The following RAB11FIP1 variants were observed in gnomAD, a reference collection of about 807,000 sequenced individuals.
The protein encoded by RAB11FIP1 is RAB11 family interacting protein 1, also known as rab11 family-interacting protein 1.
Under a neutral mutation model 83.1 loss-of-function variants are expected in RAB11FIP1, and 49 were observed. The ratio of observed to expected loss-of-function variants is 0.59; its 90% CI spans 0.47 to 0.75. The LOEUF (loss-of-function observed/expected upper bound fraction) is 0.75, where lower values mean the gene tolerates loss of function less well. Among genes scored for constraint, RAB11FIP1 ranks in the 30% least tolerant of loss-of-function variants. The pLI is 0.00. For missense variants in RAB11FIP1, 1,536 were observed against 1,598.7 expected (o/e 0.96, Z 0.67); for synonymous variants, 670 against 656.0 (o/e 1.02, Z -0.33).
At chr8:37,864,692 C>G (rs983871537) in intron 5 of RAB11FIP1, among the ~76,000 whole-genome samples, 1 of 152,200 alleles carries the variant, frequency 6.6e-6, no homozygotes, top group African/African-American at 2.4e-5. Flanking sequence ...ATAGACAGAG[C>G]GGGTTCAACC....
chr8:37,861,265 A>C lies in RAB11FIP1; in HGVS notation c.*1630T>G, dbSNP rs1158705620. On this transcript the variant is annotated 3_prime_UTR_variant, in exon 6 of 6. Transcript: ENST00000330843. The stretch of plus-strand genomic sequence containing the variant: ...TAAGTATCATCTTCTTGCTCTGCAC[A>C]GTTTTATAACAAGGGGGTAAAATGC... 6.1e-6 allele frequency: 1 copy of C among 163,258 alleles called. No homozygotes were observed. Among genetic ancestry groups the C allele is most frequent in the African/African-American group, 2.4e-5 (1 of 41,502 alleles). The allele number at this position is 163,258 out of a possible 1,614,324, so 10.1% of individuals were successfully genotyped here. A position where few individuals can be genotyped will look rare whatever the true frequency, so the allele number is the denominator to read the frequency against.
chr8:37,893,536 C>A (rs1388753450), intron 1 of RAB11FIP1, among the ~76,000 whole-genome samples: 1 of 152,152 alleles, frequency 6.6e-6, no homozygotes, highest in East Asian at 1.9e-4. Context: ...GTAATCCCAG[C>A]ACTTCAGGAG....
In RAB11FIP1 at chr8:37,899,181, G is replaced by T; in HGVS notation, c.261C>A (p.Thr87=). The stretch of plus-strand genomic sequence containing the variant: ...CGCGGTGCAGCACGGTGAGCTGCAG[G>T]GTGGCGGCGGCCGCGGGTCCGGAGG... ...LLSSGPAAAA[T]LQLTVLHRAL... Residue 87 remains threonine (T), a synonymous_variant, in exon 1 of 6, where the codon ACC becomes ACA. Transcript: ENST00000330843. The surrounding 1 kb of genome is among the most constrained non-coding windows in gnomAD (Gnocchi z 4.5). 1 of 1,561,624 alleles carries T rather than the reference G, an allele frequency of 6.4e-7. No homozygotes were observed. The highest frequency in any genetic ancestry group is 2.3e-5 in the East Asian group (1 of 42,708).
In RAB11FIP1 at chr8:37,865,846, C is replaced by T. The variant is rs534389935; in HGVS notation, c.3634-2733G>A. ...TATATATAACATTTTTATCAAAATG[C>T]ACGAACATAAATCTTTGGCCATATC... is the stretch of plus-strand genomic sequence containing the variant. On this transcript the variant is annotated intron_variant, in intron 5 of 5. Coordinates refer to ENST00000330843, the MANE Select transcript of RAB11FIP1 (RefSeq NM_001002814.3). 2.6e-5 allele frequency among the ~76,000 whole-genome samples: 4 copies of T among 152,150 alleles called. No individual in the cohort carries two copies. In the South Asian group the frequency reaches 6.2e-4, roughly 24 times the overall value.
intron 4 of RAB11FIP1, 144 bp downstream of exon 4, chr8:37,871,134 C>G (rs1352504314): frequency 9.2e-7 from 1 of 1,092,574 alleles, no homozygotes; most frequent in Non-Finnish European, 1.3e-6. Context: ...ATTACCACCA[C>G]AAGGGGCAGC....
chr8:37,874,895 G>A lies in RAB11FIP1; in HGVS notation c.1242C>T (p.Pro414=), dbSNP rs763361734. The part of the protein sequence containing the change: ...VSGDLRENMA[P]ANSEATKEAK... ...CTTCTTTTGTGGCCTCTGAGTTTGC[G>A]GGGGCCATGTTTTCCCTGAGGTCCC... The change falls in exon 3 of 6, where the codon CCC becomes CCT. Residue 414 remains proline (P), a synonymous_variant. Coordinates refer to ENST00000330843, the MANE Select transcript of RAB11FIP1 (RefSeq NM_001002814.3). 1.7e-5 allele frequency: 28 copies of A among 1,613,968 alleles called. No homozygotes were observed. Among genetic ancestry groups the A allele is most frequent in the Middle Eastern group, 1.6e-4 (1 of 6,084 alleles).
chr8:37,870,469 C>T lies in RAB11FIP1; in HGVS notation c.3584G>A (p.Gly1195Glu). ...MATKVANCSL[G>E]TATIISENLN... ...GTTCTCACTGATGATGGTGGCAGTT[C>T]CCAAGCTGCAGTTAGCAACCTTGGT... The change falls in exon 5 of 6, where the codon GGA becomes GAA. Residue 1195 changes from glycine to glutamate, a missense_variant. Coordinates refer to ENST00000330843, the MANE Select transcript of RAB11FIP1 (RefSeq NM_001002814.3). The T allele has an allele frequency of 6.2e-7, 1 of 1,612,080 alleles. No individual in the cohort carries two copies. Among genetic ancestry groups the T allele is most frequent in the South Asian group, 1.1e-5 (1 of 90,970 alleles).
In RAB11FIP1 at chr8:37,863,056, T is replaced by A; in HGVS notation, c.3691A>T (p.Ile1231Phe). ...AYAQLTHDEL[I>F]QLVLKQKETI... Reference sequence around the variant, plus strand: ...TCCTTCTGTTTGAGGACCAGCTGAATCAGCTCATCGTGGGTCAGCTGCGCA... The same window carrying A: ...TCCTTCTGTTTGAGGACCAGCTGAAACAGCTCATCGTGGGTCAGCTGCGCA... The change falls in exon 6 of 6, where the codon ATT (isoleucine) becomes TTT (phenylalanine). Residue 1231 changes from isoleucine to phenylalanine, a missense_variant. By Grantham distance (21) the Ile-to-Phe change is conservative. Transcript: ENST00000330843. 1 of 1,612,852 alleles carries A rather than the reference T, an allele frequency of 6.2e-7. No individual in the cohort carries two copies. The highest frequency in any genetic ancestry group is 1.3e-5 in the African/African-American group (1 of 74,846).
At chr8:37,886,015 G>A (rs1434039900) in intron 1 of RAB11FIP1, among the ~76,000 whole-genome samples, 1 of 152,216 alleles carries the variant, frequency 6.6e-6, no homozygotes, top group Non-Finnish European at 1.5e-5. Context: ...TGACTGGTAT[G>A]TCTCAAAAAT....
At chr8:37,873,284 A>G in intron 3 of RAB11FIP1, 105 bp from the exon 4 acceptor site, 1 of 1,270,292 alleles carries the variant, frequency 7.9e-7, no homozygotes, top group Non-Finnish European at 1.1e-6. Flanking sequence ...ACGTCTTTAC[A>G]CGTGGGGCAG....
intron 1 of RAB11FIP1, among the ~76,000 whole-genome samples, chr8:37,888,790 CTTTTTTTTTTTT>C (rs35214439): frequency 9.9e-6 from 1 of 100,650 alleles, no homozygotes; most frequent in Non-Finnish European, 1.9e-5. Flanking sequence ...CGTTCTGCAA[CTTTTTTTTTTTT>C]TTTTTTTTTT....
At position 37,868,438 on chromosome 8, in the gene RAB11FIP1, GA is replaced by G. The variant is rs1013746536; in HGVS notation, c.3633+1981del. 8.8e-5 allele frequency among the ~76,000 whole-genome samples: 13 copies of G among 147,884 alleles called. 1 individual carries two copies. The South Asian group carries it at 1.7e-3, about 20-fold the overall frequency. On this transcript the variant is annotated intron_variant, in intron 5 of 5. Coordinates refer to ENST00000330843, the MANE Select transcript of RAB11FIP1 (RefSeq NM_001002814.3). ...ACTCCATCTCAAAAAAAAAAAAAAA[GA>G]AAAAAAACTATTCAATATCCGGAGT...
At position 37,899,155 on chromosome 8, in the gene RAB11FIP1, G is replaced by A; in HGVS notation, c.287C>T (p.Ala96Val). 6.5e-7 allele frequency: 1 copy of A among 1,547,650 alleles called. No individual in the cohort carries two copies. Among genetic ancestry groups the A allele is most frequent in the Non-Finnish European group, 8.6e-7 (1 of 1,156,370 alleles). Residue 96 changes from alanine to valine, a missense_variant, in exon 1 of 6, where the codon GCG becomes GTG. Transcript: ENST00000330843. The surrounding 1 kb of genome is among the most constrained non-coding windows in gnomAD (Gnocchi z 4.5). ...CAGGAACTTGTCGAGGCCGAGCAGC[G>A]CGCGGTGCAGCACGGTGAGCTGCAG... ...ATLQLTVLHR[A>V]LLGLDKFLGR...
In RAB11FIP1 at chr8:37,871,994, G is replaced by C; in HGVS notation, c.2808C>G (p.Asp936Glu). Residue 936 changes from aspartate (D) to glutamate (E), a missense_variant, in exon 4 of 6, where the codon GAC becomes GAG. Transcript: ENST00000330843. ...KASDHEGLLS[D>E]PLSDLQLVSD... Reference sequence around the variant, plus strand: ...AGACCAACTGAAGGTCACTCAAGGGGTCAGACAATAAACCTTCGTGGTCAC... The same window carrying C: ...AGACCAACTGAAGGTCACTCAAGGGCTCAGACAATAAACCTTCGTGGTCAC... The C allele has an allele frequency of 2.5e-6, 4 of 1,614,160 alleles. No individual in the cohort carries two copies. Among genetic ancestry groups the C allele is most frequent in the Non-Finnish European group, 2.5e-6 (3 of 1,180,028 alleles).
intron 5 of RAB11FIP1, among the ~76,000 whole-genome samples, chr8:37,867,661 C>T (rs143144070): frequency 2.1e-4 from 32 of 150,700 alleles, no homozygotes; most frequent in African/African-American, 6.1e-4. Context: ...GAGCTGATAC[C>T]GTACCATTGC....
Position 37,860,227 on chromosome 8 carries a change from GGAA to G in RAB11FIP1, c.*2665_*2667del, listed in dbSNP as rs750752734. The G allele has an allele frequency of 2.6e-5, 4 of 152,796 alleles. No homozygotes were observed. The highest frequency in any genetic ancestry group is 2.1e-4 in the South Asian group (1 of 4,822). The allele number at this position is 152,796 out of a possible 1,614,324, so 9.5% of individuals were successfully genotyped here. The stretch of plus-strand genomic sequence containing the variant: ...CAGATCTCTACGCCAGCTCTCCAAT[GGAA>G]GAAGAACCACATAGAGCACACCTGC... On this transcript the variant is annotated 3_prime_UTR_variant, in exon 6 of 6. Transcript: ENST00000330843.
rs1157931682 is a variant in RAB11FIP1 at position 37,861,473 on chromosome 8, C to T, written c.*1422G>A. 2.4e-6 allele frequency: 1 copy of T among 408,614 alleles called. No homozygotes were observed. The highest frequency in any genetic ancestry group is 2.1e-5 in the African/African-American group (1 of 46,814). The allele number at this position is 408,614 out of a possible 1,614,324, so 25.3% of individuals were successfully genotyped here. A position where few individuals can be genotyped will look rare whatever the true frequency, so the allele number is the denominator to read the frequency against. On this transcript the variant is annotated 3_prime_UTR_variant, in exon 6 of 6. Coordinates refer to ENST00000330843, the MANE Select transcript of RAB11FIP1 (RefSeq NM_001002814.3). Reference sequence around the variant, plus strand: ...GGAGAGAAAGTGTTCAAAGGACAGACATGCAGATGCAGTTCAATCCCTTTG... The same window carrying T: ...GGAGAGAAAGTGTTCAAAGGACAGATATGCAGATGCAGTTCAATCCCTTTG...
chr8:37,868,484 A>G (rs989677407), intron 5 of RAB11FIP1, among the ~76,000 whole-genome samples: 1 of 152,184 alleles, frequency 6.6e-6, no homozygotes, highest in Non-Finnish European at 1.5e-5. Context: ...TGTAAAATAT[A>G]TGATGGAATG....
At chr8:37,880,865 G>A (rs1270745774) in intron 1 of RAB11FIP1, among the ~76,000 whole-genome samples, 1 of 152,120 alleles carries the variant, frequency 6.6e-6, no homozygotes, top group African/African-American at 2.4e-5. Flanking sequence ...TGTCCACCAG[G>A]TCACCCTCAC....
Sources: allele counts gnomAD v4.1 joint callset (sites outside exome capture counted in the v4.1 genomes callset), GRCh38; gene constraint gnomAD v4.1.1; non-coding constraint Gnocchi (gnomAD v3.1); transcripts MANE v1.5; gene names NCBI Gene and HGNC (gene_info 2026-07-23, HGNC 2026-07-21).